The following PDE4D variants were observed in gnomAD, a reference collection of about 807,000 sequenced individuals.
PDE4D encodes the protein 3',5'-cyclic-AMP phosphodiesterase 4D.
A neutral mutation model predicts 87.4 loss-of-function variants in PDE4D; 24 were observed. That is an observed-to-expected ratio of 0.27 (90% CI 0.20 to 0.39). PDE4D has a LOEUF of 0.39. Ranked by LOEUF, PDE4D falls within the 10% of genes least tolerant of loss-of-function variation. The pLI is 1.00. For synonymous variants in PDE4D, 384 were observed against 383.2 expected (o/e 1.00, Z -0.02); for missense variants, 714 against 1,041.0 (o/e 0.69, Z 4.32).
chr5:59,030,436 A>C (rs1757160491), intron 6 of PDE4D, among the ~76,000 whole-genome samples: 1 of 150,858 alleles, frequency 6.6e-6, no homozygotes, highest in African/African-American at 2.4e-5. Flanking sequence ...AAAAAAAAAA[A>C]AAAAAAAAAA....
At chr5:60,003,799 T>C (rs1764228882) in intron 2 of PDE4D, among the ~76,000 whole-genome samples, 1 of 150,026 alleles carries the variant, frequency 6.7e-6, no homozygotes, top group Admixed American at 6.7e-5. Flanking sequence ...GCTATAGTAA[T>C]CAAAACAGTG....
At chr5:59,707,956 T>G (rs144264648) in intron 1 of PDE4D, among the ~76,000 whole-genome samples, 2 of 152,272 alleles carry the variant, frequency 1.3e-5, no homozygotes, top group Non-Finnish European at 2.9e-5. Flanking sequence ...TGATTTATAT[T>G]CCTTTGAGTA....
chr5:59,316,540 C>G (rs1219326830), intron 1 of PDE4D, among the ~76,000 whole-genome samples: 1 of 152,094 alleles, frequency 6.6e-6, no homozygotes, highest in Admixed American at 6.5e-5. Flanking sequence ...AAATTTCCAT[C>G]TTGCTGTTGA....
At chr5:59,360,474 G>A (rs1245362238) in intron 1 of PDE4D, among the ~76,000 whole-genome samples, 3 of 152,156 alleles carry the variant, frequency 2.0e-5, no homozygotes, top group Non-Finnish European at 2.9e-5. Flanking sequence ...TGATGAGGGT[G>A]TCGTTGTAAT....
chr5:59,419,727 T>A (rs1236966090), intron 1 of PDE4D, among the ~76,000 whole-genome samples: 1 of 152,212 alleles, frequency 6.6e-6, no homozygotes, highest in South Asian at 2.1e-4. Context: ...ATATTTATTA[T>A]TGACATTGAA....
chr5:59,099,171 G>A (rs1770307108), intron 5 of PDE4D, among the ~76,000 whole-genome samples: 1 of 152,164 alleles, frequency 6.6e-6, no homozygotes, highest in Admixed American at 6.5e-5. Context: ...AATCCTGGAT[G>A]GAATTTGGTC....
chr5:59,058,764 T>C (rs1419184704), intron 5 of PDE4D, among the ~76,000 whole-genome samples: 1 of 151,870 alleles, frequency 6.6e-6, no homozygotes, highest in African/African-American at 2.4e-5. Flanking sequence ...ACAAAGAGAC[T>C]CTTGGTGGAA....
intron 1 of PDE4D, among the ~76,000 whole-genome samples, chr5:60,271,459 T>G: frequency 6.6e-6 from 1 of 152,310 alleles, no homozygotes; most frequent in East Asian, 1.9e-4. Context: ...GCTAACTAAT[T>G]CCTTTTAACA....
chr5:59,368,364 C>T (rs1327311845), intron 1 of PDE4D, among the ~76,000 whole-genome samples: 1 of 151,982 alleles, frequency 6.6e-6, no homozygotes, highest in African/African-American at 2.4e-5. Context: ...AAAAATTGTC[C>T]ATTCATCTTA....
At chr5:59,374,096 ACT>A (rs1784349054) in intron 1 of PDE4D, among the ~76,000 whole-genome samples, 1 of 152,204 alleles carries the variant, frequency 6.6e-6, no homozygotes, top group African/African-American at 2.4e-5. Flanking sequence ...CAGACCAATG[ACT>A]CTATAAAACA....
chr5:59,217,317 C>T, intron 1 of PDE4D: 1 of 454,146 alleles, frequency 2.2e-6, no homozygotes, highest in Non-Finnish European at 4.4e-6. Context: ...AATATTTTCC[C>T]CATTAGAATC....
intron 2 of PDE4D, among the ~76,000 whole-genome samples, chr5:60,133,012 C>A (rs1414603759): frequency 6.6e-6 from 1 of 152,186 alleles, no homozygotes; most frequent in East Asian, 1.9e-4. Context: ...TTGCCTCTCT[C>A]TTCAGGTTGT....
intron 2 of PDE4D, among the ~76,000 whole-genome samples, chr5:60,011,187 A>G (rs2152844884): frequency 6.6e-6 from 1 of 152,326 alleles, no homozygotes; most frequent in Admixed American, 6.5e-5. Context: ...GAGAATTTCA[A>G]ACAAAAGAAC....
intron 1 of PDE4D, among the ~76,000 whole-genome samples, chr5:59,518,826 G>A (rs550309262): frequency 6.6e-5 from 10 of 152,222 alleles, no homozygotes; most frequent in South Asian, 2.1e-4. Context: ...GAAATAAAAT[G>A]TCTTCATTTA....
chr5:59,731,157 C>A (rs1265772859), intron 1 of PDE4D, among the ~76,000 whole-genome samples: 1 of 151,932 alleles, frequency 6.6e-6, no homozygotes, highest in East Asian at 1.9e-4. Flanking sequence ...AAGGTAGGGG[C>A]AAGTATATGA....
intron 1 of PDE4D, among the ~76,000 whole-genome samples, chr5:60,465,581 G>C (rs1023832335): frequency 2.6e-5 from 4 of 152,068 alleles, no homozygotes; most frequent in Non-Finnish European, 4.4e-5. Flanking sequence ...TTTAAAAAAA[G>C]AGTGGGAAAT....
intron 1 of PDE4D, among the ~76,000 whole-genome samples, chr5:59,446,351 A>G (rs1185911660): frequency 4.6e-5 from 7 of 152,184 alleles, no homozygotes; most frequent in Non-Finnish European, 8.8e-5. Context: ...ATTTATTTCA[A>G]TGAAAAAAAT....
chr5:59,683,051 TAAC>T (rs928440462), intron 1 of PDE4D, among the ~76,000 whole-genome samples: 2 of 152,234 alleles, frequency 1.3e-5, no homozygotes, highest in African/African-American at 2.4e-5. Flanking sequence ...GTAGATTAGA[TAAC>T]AACATTTTAT....
chr5:59,659,762 A>G (rs1744941600), intron 1 of PDE4D, among the ~76,000 whole-genome samples: 1 of 152,242 alleles, frequency 6.6e-6, no homozygotes, highest in African/African-American at 2.4e-5. Flanking sequence ...TCCTTCTGCT[A>G]CAGTGTGCAC....
Sources: gnomAD v4.1 joint callset for allele counts (sites outside exome capture counted in the v4.1 genomes callset) on GRCh38, gnomAD v4.1.1 for gene constraint, MANE v1.5 for transcripts, NCBI Gene and HGNC (gene_info 2026-07-23, HGNC 2026-07-21) for gene names.